ASIC5: variants seen among roughly 807,000 people sequenced by gnomAD.
The protein encoded by ASIC5 is acid sensing ion channel subunit family member 5, also known as bile acid-sensitive ion channel.
A neutral mutation model predicts 51.2 loss-of-function variants in ASIC5; 52 were observed. The observed-to-expected ratio is 1.02, with a 90% CI of 0.81 to 1.28. ASIC5 has a LOEUF of 1.28. ASIC5 is among the 50% of genes most tolerant of loss of function. The probability of loss-of-function intolerance (pLI) is 0.00; values close to 1 mark genes in which losing one functional copy is unlikely to be tolerated. For missense variants in ASIC5, 635 were observed against 595.0 expected (o/e 1.07, Z -0.70); for synonymous variants, 231 against 200.7 (o/e 1.15, Z -1.28).
intron 4 of ASIC5, among the ~76,000 whole-genome samples, chr4:155,845,096 A>G (rs1050275800): frequency 1.4e-4 from 21 of 149,686 alleles, no homozygotes; most frequent in African/African-American, 4.7e-4. Context: ...AATCAAGAGG[A>G]AAAAAAAAGG....
chr4:155,836,931 T>G, intron 7 of ASIC5, 74 bp from the exon 8 acceptor site: 3 of 1,147,240 alleles, frequency 2.6e-6, no homozygotes, highest in Non-Finnish European at 3.7e-6. Context: ...TTTATAAAGT[T>G]TATCATTTCA....
In ASIC5 at chr4:155,829,759, G is replaced by T. The variant is rs373599689; in HGVS notation, c.*97C>A. The T allele has an allele frequency of 2.9e-6, 2 of 691,422 alleles. No individual in the cohort carries two copies. Among genetic ancestry groups the T allele is most frequent in the South Asian group, 3.1e-5 (1 of 31,824 alleles). The allele number at this position is 691,422 out of a possible 1,614,324, so 42.8% of individuals were successfully genotyped here. On this transcript the variant is annotated 3_prime_UTR_variant, in exon 10 of 10. Transcript: ENST00000537611. ...ATACATATCTTTAATGGCTTTTATCGAACTCTCAAAACTATAGAAAAGTGA... is the reference window on the plus strand; with the variant it reads ...ATACATATCTTTAATGGCTTTTATCTAACTCTCAAAACTATAGAAAAGTGA...
At chr4:155,849,542 C>A (rs1362541172) in intron 4 of ASIC5, among the ~76,000 whole-genome samples, 1 of 151,774 alleles carries the variant, frequency 6.6e-6, no homozygotes, top group Non-Finnish European at 1.5e-5. Flanking sequence ...CTAATTAATC[C>A]TTTAGTTAGG....
At chr4:155,866,054 T>C (rs748174310) in intron 1 of ASIC5, 133 bp downstream of exon 1, 23 of 491,290 alleles carry the variant, frequency 4.7e-5, no homozygotes, top group Non-Finnish European at 7.8e-5. Flanking sequence ...TTAAAACTTA[T>C]ATTACTTATA....
In ASIC5 at chr4:155,852,185, CA is replaced by C. The variant is rs771300037; in HGVS notation, c.711+5del. 20 of 1,611,904 alleles carry C rather than the reference CA, an allele frequency of 1.2e-5. No homozygotes were observed. Among genetic ancestry groups the C allele is most frequent in the Admixed American group, 6.7e-5 (4 of 59,818 alleles). On this transcript the variant is annotated splice_donor_5th_base_variant and intron_variant, in intron 4 of 9. Coordinates refer to ENST00000537611, the MANE Select transcript of ASIC5 (RefSeq NM_017419.3). ...GTTTGTCTTGAACCTGGAGAAAATT[CA>C]GTACCTGATTCACATTGAAGAGTAA...
Position 155,831,873 on chromosome 4 carries a change from G to A in ASIC5, c.1278C>T (p.Asn426=), listed in dbSNP as rs141457255. The A allele has an allele frequency of 7.5e-6, 12 of 1,608,442 alleles. No homozygotes were observed. Among genetic ancestry groups the A allele is most frequent in the Middle Eastern group, 1.7e-4 (1 of 6,042 alleles). Reference sequence around the variant, plus strand: ...CCTTTTGCTGCTGGGTTATCTTATAGTTTAGGTCACTATAGTTAATTTCAA... The same window carrying A: ...CCTTTTGCTGCTGGGTTATCTTATAATTTAGGTCACTATAGTTAATTTCAA... The part of the protein sequence containing the change: ...VKIEINYSDL[N]YKITQQQKAV... Residue 426 remains asparagine, a synonymous_variant, in exon 9 of 10, where the codon AAC becomes AAT. Coordinates refer to ENST00000537611, the MANE Select transcript of ASIC5 (RefSeq NM_017419.3).
At chr4:155,837,990 T>C (rs140222466) in intron 7 of ASIC5, among the ~76,000 whole-genome samples, 7 of 152,248 alleles carry the variant, frequency 4.6e-5, no homozygotes, top group African/African-American at 1.7e-4. Context: ...ATTTCAAGTC[T>C]ATTGGTTAGT....
chr4:155,838,924 T>A, intron 6 of ASIC5, 55 bp from the exon 7 acceptor site: 2 of 983,774 alleles, frequency 2.0e-6, no homozygotes, highest in African/African-American at 1.7e-5. Context: ...AAATAAGTGA[T>A]CTAATGACAA....
In ASIC5 at chr4:155,842,976, C is replaced by A. The variant is rs1741155516; in HGVS notation, c.862-622G>T. 2.0e-5 allele frequency among the ~76,000 whole-genome samples: 3 copies of A among 152,250 alleles called. No individual in the cohort carries two copies. In the South Asian group the frequency reaches 6.2e-4, roughly 32 times the overall value. On this transcript the variant is annotated intron_variant, in intron 5 of 9. Coordinates refer to ENST00000537611, the MANE Select transcript of ASIC5 (RefSeq NM_017419.3). ...GAACATGAGAGGCCAGGCTCCTCCC[C>A]ACTGCAAACAGTGCAAACTTCCCAA...
intron 6 of ASIC5, among the ~76,000 whole-genome samples, chr4:155,841,256 A>C (rs575357234): frequency 6.6e-6 from 1 of 152,304 alleles, no homozygotes; most frequent in East Asian, 1.9e-4. Flanking sequence ...GTTACAATAT[A>C]TCTTTCTAGA....
intron 2 of ASIC5, among the ~76,000 whole-genome samples, chr4:155,856,164 C>A (rs1357152752): frequency 1.3e-5 from 2 of 151,926 alleles, no homozygotes; most frequent in Admixed American, 6.6e-5. Flanking sequence ...CCTCTGTATC[C>A]GGTTGGGATG....
chr4:155,833,696 C>A (rs1031169508), intron 8 of ASIC5, among the ~76,000 whole-genome samples: 1 of 152,166 alleles, frequency 6.6e-6, no homozygotes, highest in East Asian at 1.9e-4. Flanking sequence ...ATTTCCCAAG[C>A]ACAACATTCA....
intron 2 of ASIC5, among the ~76,000 whole-genome samples, chr4:155,857,248 C>G (rs971553853): frequency 1.3e-5 from 2 of 152,022 alleles, no homozygotes; most frequent in Non-Finnish European, 2.9e-5. Flanking sequence ...TTCAGCCCCC[C>G]ACATAGCTGG....
At chr4:155,832,719 A>G (rs1488495088) in intron 8 of ASIC5, among the ~76,000 whole-genome samples, 2 of 152,142 alleles carry the variant, frequency 1.3e-5, no homozygotes, top group Non-Finnish European at 2.9e-5. Context: ...TTCACACTCC[A>G]TAGCCAGTCC....
intron 8 of ASIC5, among the ~76,000 whole-genome samples, chr4:155,833,082 G>A (rs953212540): frequency 3.3e-5 from 5 of 152,136 alleles, no homozygotes; most frequent in African/African-American, 1.2e-4. Flanking sequence ...AGTGCAGCAA[G>A]GCAGGATTTT....
At position 155,836,860 on chromosome 4, in the gene ASIC5, G is replaced by C; in HGVS notation, c.1067-3C>G. ...TAAATCCTTAAATTCAATGTGGTCT[G>C]AAATGAAAATCAGGACAGGGAATTC... On this transcript the variant is annotated splice_polypyrimidine_tract_variant and splice_region_variant and intron_variant, in intron 7 of 9. Coordinates refer to ENST00000537611, the MANE Select transcript of ASIC5 (RefSeq NM_017419.3). 1 of 1,578,782 alleles carries C rather than the reference G, an allele frequency of 6.3e-7. No individual in the cohort carries two copies.
chr4:155,852,355 G>T lies in ASIC5; in HGVS notation c.586-39C>A, dbSNP rs757564895. The T allele has an allele frequency of 3.2e-6, 5 of 1,558,196 alleles. No individual in the cohort carries two copies. The Admixed American group carries it at 6.7e-5, about 21-fold the overall frequency. Reference sequence around the variant, plus strand: ...ATGAACCAAAAAAAACCATCAATTTGATATTTTTGTCACTTCTCAAGTTTG... The same window carrying T: ...ATGAACCAAAAAAAACCATCAATTTTATATTTTTGTCACTTCTCAAGTTTG... On this transcript the variant is annotated intron_variant, in intron 3 of 9. Transcript: ENST00000537611.
chr4:155,863,321 G>A (rs1344176212), intron 2 of ASIC5, 127 bp downstream of exon 2: 2 of 715,524 alleles, frequency 2.8e-6, no homozygotes, highest in African/African-American at 3.6e-5. Context: ...TGCAATTTAA[G>A]TGCAATTTAA....
chr4:155,835,136 A>G (rs1740948115), intron 8 of ASIC5, among the ~76,000 whole-genome samples: 1 of 152,178 alleles, frequency 6.6e-6, no homozygotes, highest in South Asian at 2.1e-4. Flanking sequence ...CCCTTGCGAT[A>G]AGGCAGAGGG....
Sources: gnomAD v4.1 joint callset for allele counts (sites outside exome capture counted in the v4.1 genomes callset) on GRCh38, gnomAD v4.1.1 for gene constraint, MANE v1.5 for transcripts, NCBI Gene and HGNC (gene_info 2026-07-23, HGNC 2026-07-21) for gene names.